The following SYNE1 variants were observed in gnomAD, a reference collection of about 807,000 sequenced individuals.
SYNE1 encodes spectrin repeat containing nuclear envelope protein 1, also known as nesprin-1.
A neutral mutation model predicts 1,111.0 loss-of-function variants in SYNE1; 616 were observed. The ratio of observed to expected loss-of-function variants is 0.55; its 90% CI spans 0.52 to 0.59. The LOEUF is 0.59. Among genes scored for constraint, SYNE1 ranks in the 20% least tolerant of loss-of-function variants. The pLI is 0.00. For missense variants in SYNE1, 10,006 were observed against 10,417.0 expected, an observed-to-expected ratio of 0.96 and a Z score of 1.72; for synonymous variants, 3,855 against 3,825.8, an observed-to-expected ratio of 1.01 and a Z score of -0.28.
chr6:152,225,282 C>T (rs556064903), intron 116 of SYNE1, among the ~76,000 whole-genome samples: 212 of 68,264 alleles, frequency 3.1e-3, no homozygotes, highest in African/African-American at 0.01. Context: ...TATGCGCAAA[C>T]ACACACACAC....
intron 96 of SYNE1, 51 bp downstream of exon 96, chr6:152,283,927 C>T (rs376710878): frequency 1.6e-5 from 23 of 1,419,888 alleles, no homozygotes; most frequent in East Asian, 1.6e-4. Context: ...GGTAACACAA[C>T]GTTAAAAGTT....
At position 152,133,240 on chromosome 6, in the gene SYNE1, A is replaced by C. The variant is rs2056284263; in HGVS notation, c.26001+36T>G. On this transcript the variant is annotated intron_variant, in intron 143 of 145. Transcript: ENST00000367255. The stretch of plus-strand genomic sequence containing the variant: ...GATGATGCTTCTTTGGTCTCCAGTA[A>C]GAAATGCTACACGATGATGTCTGTT... 3 of 1,591,922 alleles carry C rather than the reference A, an allele frequency of 1.9e-6. No individual in the cohort carries two copies. In the African/African-American group the frequency reaches 4.0e-5, roughly 21 times the overall value.
chr6:152,249,308 T>G (rs756376142), intron 104 of SYNE1, 46 bp from the exon 105 acceptor site: 1 of 1,011,950 alleles, frequency 9.9e-7, no homozygotes, highest in East Asian at 2.4e-5. Flanking sequence ...TAACAGGGAA[T>G]TCAAAATACT....
intron 5 of SYNE1, among the ~76,000 whole-genome samples, chr6:152,524,110 C>A (rs1029268216): frequency 6.6e-6 from 1 of 152,126 alleles, no homozygotes; most frequent in Non-Finnish European, 1.5e-5. Context: ...CAAAAGTGAG[C>A]ATCCTTGTCT....
At chr6:152,564,395 T>C (rs1363445137) in intron 3 of SYNE1, among the ~76,000 whole-genome samples, 1 of 152,162 alleles carries the variant, frequency 6.6e-6, no homozygotes, top group African/African-American at 2.4e-5. Context: ...CGGCTCACTA[T>C]AGCCTCAACC....
intron 6 of SYNE1, among the ~76,000 whole-genome samples, chr6:152,519,323 G>A (rs1353590781): frequency 6.6e-6 from 1 of 152,052 alleles, no homozygotes; most frequent in East Asian, 1.9e-4. Context: ...TTCCAGGACT[G>A]GGGAGGGAAA....
intron 3 of SYNE1, among the ~76,000 whole-genome samples, chr6:152,573,319 C>G (rs2099477039): frequency 9.1e-6 from 1 of 109,352 alleles, no homozygotes; most frequent in Non-Finnish European, 1.9e-5. Flanking sequence ...TCTCCTAATG[C>G]TATCCCCCCC....
Position 152,522,982 on chromosome 6 carries a change from A to G in SYNE1, c.226-2440T>C, listed in dbSNP as rs150862865. ...TTTGTCAGATGCATAGTTTGCAAAT[A>G]TTTTCTCCCATTCTATGGGTTGTCT... is the stretch of plus-strand genomic sequence containing the variant. On this transcript the variant is annotated intron_variant, in intron 5 of 145. Coordinates refer to ENST00000367255, the MANE Select transcript of SYNE1 (RefSeq NM_182961.4). Among the ~76,000 whole-genome samples the G allele has an allele frequency of 5.6e-3, 846 of 152,104 alleles. 10 individuals carry two copies. The highest frequency in any genetic ancestry group is 0.019 in the African/African-American group (789 of 41,512).
Position 152,412,851 on chromosome 6 carries a change from A to ATT in SYNE1, c.6230+499_6230+500dup, listed in dbSNP as rs373723820. 1.1e-3 allele frequency among the ~76,000 whole-genome samples: 148 copies of ATT among 131,672 alleles called. 4 individuals are homozygous for ATT. The highest frequency in any genetic ancestry group is 8.7e-3 in the Middle Eastern group (2 of 230). 86.4% of individuals were successfully genotyped at this position (131,672 alleles called of 152,430 possible). A position where few individuals can be genotyped will look rare whatever the true frequency, so the allele number is the denominator to read the frequency against. On this transcript the variant is annotated intron_variant, in intron 42 of 145. Coordinates refer to ENST00000367255, the MANE Select transcript of SYNE1 (RefSeq NM_182961.4). ...CTTTAAGCATTCAATTTCACATGTA[A>ATT]TTTTTTTTTTTTTTTGGTGAGAAGG...
intron 83 of SYNE1, 33 bp from the exon 84 acceptor site, chr6:152,321,423 G>T: frequency 6.2e-7 from 1 of 1,611,382 alleles, no homozygotes; most frequent in South Asian, 1.1e-5. Context: ...AAATTTCTGG[G>T]AACCTTCTAA....
chr6:152,511,620 A>G (rs746974365), intron 6 of SYNE1: 1 of 1,603,032 alleles, frequency 6.2e-7, no homozygotes, highest in Non-Finnish European at 8.5e-7. Context: ...GGAGAAGATA[A>G]TAGATATACA....
intron 138 of SYNE1, 51 bp downstream of exon 138, chr6:152,143,572 A>T: frequency 6.2e-7 from 1 of 1,613,544 alleles, no homozygotes; most frequent in South Asian, 1.1e-5. Context: ...GTTCTTTGAC[A>T]CAGAACTGTG....
chr6:152,402,084 C>T (rs2097828608), intron 46 of SYNE1, among the ~76,000 whole-genome samples: 1 of 152,100 alleles, frequency 6.6e-6, no homozygotes, highest in African/African-American at 2.4e-5. Flanking sequence ...TCTATTCTGC[C>T]ACCCTGTGTA....
intron 127 of SYNE1, among the ~76,000 whole-genome samples, chr6:152,192,575 G>A (rs1030458966): frequency 1.3e-5 from 2 of 152,058 alleles, no homozygotes; most frequent in African/African-American, 4.8e-5. Context: ...GGGTTCAAGT[G>A]ATTCTCCCAC....
At chr6:152,242,104 C>A in intron 107 of SYNE1, 136 bp downstream of exon 107, 6 of 906,296 alleles carry the variant, frequency 6.6e-6, no homozygotes, top group Non-Finnish European at 1.0e-5. Context: ...ATTTTTTGGC[C>A]ATTTTTAAAG....
At position 152,510,119 on chromosome 6, in the gene SYNE1, A is replaced by G. The variant is rs1335692492; in HGVS notation, c.581+74T>C. Reference sequence around the variant, plus strand: ...AAATGTCTCTTCACATTTCGCAATCATTAGAAGTTGCAATTAGTAACATTC... The same window carrying G: ...AAATGTCTCTTCACATTTCGCAATCGTTAGAAGTTGCAATTAGTAACATTC... On this transcript the variant is annotated intron_variant, in intron 8 of 145. Transcript: ENST00000367255. The G allele has an allele frequency of 2.1e-6, 3 of 1,430,314 alleles. No individual in the cohort carries two copies. The African/African-American group carries it at 4.2e-5, about 20-fold the overall frequency. The allele number at this position is 1,430,314 out of a possible 1,614,324, so 88.6% of individuals were successfully genotyped here.
At chr6:152,298,242 C>A (rs1466962278) in intron 93 of SYNE1, among the ~76,000 whole-genome samples, 4 of 152,226 alleles carry the variant, frequency 2.6e-5, no homozygotes, top group Non-Finnish European at 5.9e-5. Context: ...CAGGTGCACT[C>A]AGCTTAGAGG....
chr6:152,430,056 G>A, intron 36 of SYNE1, 56 bp downstream of exon 36: 3 of 1,219,364 alleles, frequency 2.5e-6, no homozygotes, highest in African/African-American at 1.5e-5. Flanking sequence ...CTTTTCAAGT[G>A]GGAATTATCA....
intron 75 of SYNE1, among the ~76,000 whole-genome samples, chr6:152,337,863 A>G (rs1175392831): frequency 6.6e-6 from 1 of 152,034 alleles, no homozygotes; most frequent in Non-Finnish European, 1.5e-5. Context: ...AATGGGTTAC[A>G]TTGGCTGGGA....
Sources: gnomAD v4.1 joint callset for allele counts (sites outside exome capture counted in the v4.1 genomes callset) on GRCh38, gnomAD v4.1.1 for gene constraint, MANE v1.5 for transcripts, NCBI Gene and HGNC (gene_info 2026-07-23, HGNC 2026-07-21) for gene names.